GALNTL6: variants seen among roughly 807,000 people sequenced by gnomAD.
GALNTL6 encodes the protein polypeptide N-acetylgalactosaminyltransferase like 6.
A neutral mutation model predicts 73.7 loss-of-function variants in GALNTL6; 46 were observed. The ratio of observed to expected loss-of-function variants is 0.62; its 90% CI spans 0.49 to 0.80. The LOEUF is 0.80. Among genes scored for constraint, GALNTL6 ranks in the 30% least tolerant of loss-of-function variants. The probability of loss-of-function intolerance (pLI) is 0.00; values close to 1 mark genes in which losing one functional copy is unlikely to be tolerated. For synonymous variants in GALNTL6, 259 were observed against 263.7 expected, an observed-to-expected ratio of 0.98 and a Z score of 0.17; for missense variants, 604 against 755.0, an observed-to-expected ratio of 0.80 and a Z score of 2.34.
At chr4:172,627,232 T>C (rs1739203679) in intron 5 of GALNTL6, among the ~76,000 whole-genome samples, 1 of 152,170 alleles carries the variant, frequency 6.6e-6, no homozygotes, top group Non-Finnish European at 1.5e-5. Flanking sequence ...AAAGGCTGTT[T>C]CTGCATTTAT....
At chr4:172,380,969 A>C (rs1743264267) in intron 5 of GALNTL6, among the ~76,000 whole-genome samples, 1 of 152,200 alleles carries the variant, frequency 6.6e-6, no homozygotes. Context: ...ATAAATCTGA[A>C]TGTTATTTTA....
intron 3 of GALNTL6, among the ~76,000 whole-genome samples, chr4:172,283,475 G>T (rs1203138689): frequency 6.6e-6 from 1 of 152,002 alleles, no homozygotes; most frequent in East Asian, 1.9e-4. Context: ...GACAATAATT[G>T]TCTTCATAGT....
chr4:172,149,678 T>C (rs890021296), intron 2 of GALNTL6, among the ~76,000 whole-genome samples: 2 of 152,178 alleles, frequency 1.3e-5, no homozygotes, highest in African/African-American at 4.8e-5. Flanking sequence ...TGCTGGAGTT[T>C]TATTCCAGAA....
chr4:172,116,220 C>G (rs1240490630), intron 2 of GALNTL6, among the ~76,000 whole-genome samples: 1 of 151,994 alleles, frequency 6.6e-6, no homozygotes, highest in Non-Finnish European at 1.5e-5. Context: ...TGTAAACAAA[C>G]AGCTAATGTG....
chr4:172,331,130 C>T (rs114100968), intron 4 of GALNTL6, among the ~76,000 whole-genome samples: 2,832 of 151,174 alleles, frequency 0.019, 79 homozygotes, highest in African/African-American at 0.064. Context: ...TTAATTTTTT[C>T]TCATTGTTAG....
intron 5 of GALNTL6, among the ~76,000 whole-genome samples, chr4:172,655,648 G>A (rs1040243946): frequency 2.6e-5 from 4 of 152,164 alleles, no homozygotes; most frequent in African/African-American, 2.4e-5. Flanking sequence ...GTGACCTCAA[G>A]AGTAGTATCC....
intron 2 of GALNTL6, among the ~76,000 whole-genome samples, chr4:172,221,060 G>C (rs569791230): frequency 1.1e-4 from 17 of 151,866 alleles, no homozygotes; most frequent in African/African-American, 4.1e-4. Context: ...GTACTATCAA[G>C]CTGTCTATTT....
intron 5 of GALNTL6, among the ~76,000 whole-genome samples, chr4:172,522,165 G>T (rs553727553): frequency 6.6e-6 from 1 of 152,102 alleles, no homozygotes; most frequent in East Asian, 1.9e-4. Context: ...CTTTAAGAAA[G>T]ATAATTAAAA....
intron 2 of GALNTL6, among the ~76,000 whole-genome samples, chr4:172,115,209 G>A (rs1159671475): frequency 6.6e-6 from 1 of 152,062 alleles, no homozygotes; most frequent in East Asian, 1.9e-4. Flanking sequence ...CAAAGGCCTT[G>A]TCCAGTATTT....
At chr4:172,017,157 AAGG>A (rs1741222118) in intron 2 of GALNTL6, among the ~76,000 whole-genome samples, 1 of 152,146 alleles carries the variant, frequency 6.6e-6, no homozygotes, top group South Asian at 2.1e-4. Context: ...CTCCTTGATG[AAGG>A]AGGCTAGTGG....
intron 5 of GALNTL6, among the ~76,000 whole-genome samples, chr4:172,431,199 A>G (rs971990853): frequency 1.1e-4 from 17 of 152,178 alleles, no homozygotes; most frequent in African/African-American, 3.6e-4. Flanking sequence ...AACAATAAGT[A>G]GATTTGAATA....
At chr4:172,583,353 T>A (rs2110978701) in intron 5 of GALNTL6, among the ~76,000 whole-genome samples, 1 of 152,342 alleles carries the variant, frequency 6.6e-6, no homozygotes, top group East Asian at 1.9e-4. Flanking sequence ...AACAGAGGTA[T>A]TTATTTTTTA....
chr4:172,817,488 A>C (rs1741673617), intron 7 of GALNTL6, among the ~76,000 whole-genome samples: 1 of 152,190 alleles, frequency 6.6e-6, no homozygotes, highest in African/African-American at 2.4e-5. Flanking sequence ...AGAAACCAGA[A>C]TGTTCCCTCT....
intron 3 of GALNTL6, among the ~76,000 whole-genome samples, chr4:172,285,328 A>T (rs962036067): frequency 6.6e-6 from 1 of 152,160 alleles, no homozygotes; most frequent in East Asian, 1.9e-4. Context: ...ATTAGATCAG[A>T]TTCTGATATG....
intron 5 of GALNTL6, among the ~76,000 whole-genome samples, chr4:172,376,015 A>T (rs1488729573): frequency 1.3e-5 from 2 of 152,162 alleles, no homozygotes; most frequent in African/African-American, 2.4e-5. Context: ...GAGGCTACCC[A>T]TATCCTACCT....
At chr4:172,563,367 C>T (rs991368570) in intron 5 of GALNTL6, among the ~76,000 whole-genome samples, 1 of 152,134 alleles carries the variant, frequency 6.6e-6, no homozygotes, top group African/African-American at 2.4e-5. Flanking sequence ...ACTGTCAATC[C>T]CGCCTTCACT....
At chr4:171,871,007 G>A (rs147114181) in intron 2 of GALNTL6, among the ~76,000 whole-genome samples, 41 of 152,110 alleles carry the variant, frequency 2.7e-4, no homozygotes, top group African/African-American at 9.9e-4. Context: ...TTCTTCCCTA[G>A]TAATTTAAGA....
chr4:172,911,015 C>T (rs999577136), intron 8 of GALNTL6, among the ~76,000 whole-genome samples: 2 of 152,242 alleles, frequency 1.3e-5, no homozygotes, highest in African/African-American at 4.8e-5. Context: ...GGCCCCCAGC[C>T]TCCACACTTG....
At chr4:172,349,840 TATATA>T (rs777519158) in intron 5 of GALNTL6, among the ~76,000 whole-genome samples, 5,176 of 87,716 alleles carry the variant, frequency 0.059, 138 homozygotes, top group Non-Finnish European at 0.11. Flanking sequence ...AATATATATA[TATATA>T]TTTTTTTTAA....
Sources: allele counts gnomAD v4.1 joint callset (sites outside exome capture counted in the v4.1 genomes callset), GRCh38; gene constraint gnomAD v4.1.1; transcripts MANE v1.5; gene names NCBI Gene and HGNC (gene_info 2026-07-23, HGNC 2026-07-21).